The following A2M variants were observed in gnomAD, a reference collection of about 807,000 sequenced individuals.
A2M encodes C3 and PZP-like alpha-2-macroglobulin domain-containing protein 5.
A neutral mutation model predicts 183.9 loss-of-function variants in A2M; 128 were observed. That is an observed-to-expected ratio of 0.70 (90% CI 0.60 to 0.81). The LOEUF (loss-of-function observed/expected upper bound fraction) is 0.81. Among genes scored for constraint, A2M ranks in the 30% least tolerant of loss-of-function variants. The pLI is 0.00. For missense variants in A2M, 1,495 were observed against 1,787.6 expected (o/e 0.84, Z 2.95); for synonymous variants, 592 against 670.8 (o/e 0.88, Z 1.81).
At chr12:9,109,130 A>G (rs1283174341) in intron 7 of A2M, among the ~76,000 whole-genome samples, 191 bp downstream of exon 7, 1 of 152,174 alleles carries the variant, frequency 6.6e-6, no homozygotes, top group East Asian at 1.9e-4. Context: ...ATAGAATAAT[A>G]CTGATAAGAA....
rs751694784 is a variant in A2M, at chr12:9,113,509, T to C, written c.121A>G (p.Thr41Ala). The change falls in exon 2 of 36, where the codon ACT becomes GCT. Residue 41 changes from threonine to alanine, a missense_variant. By Grantham distance (58) the Thr-to-Ala change is moderately conservative (BLOSUM62 0). Transcript: ENST00000318602. ...ACACAGCCCTTCTCAGTGGTCTCAG[T>C]GTGGAGCAGGGAGGGGACCAGAACC... Reference protein sequence around the residue: ...YMVLVPSLLHTETTEKGCVLL... With the variant: ...YMVLVPSLLHAETTEKGCVLL... 10 of 1,613,848 alleles carry C rather than the reference T, an allele frequency of 6.2e-6. No individual in the cohort carries two copies. The highest frequency in any genetic ancestry group is 2.2e-5 in the East Asian group (1 of 44,872).
At chr12:9,079,138 G>T in intron 25 of A2M, 106 bp downstream of exon 25, 2 of 811,644 alleles carry the variant, frequency 2.5e-6, no homozygotes, top group African/African-American at 1.7e-5. Context: ...ACAAACCATC[G>T]GTCTGATAAT....
intron 4 of A2M, chr12:9,111,656 A>C (rs1458199170): frequency 1.2e-5 from 5 of 400,258 alleles, no homozygotes; most frequent in Non-Finnish European, 2.4e-5. Context: ...AGAAAATGTG[A>C]AGAAGTTAAT....
rs1439408191 is a variant in A2M at position 9,079,458 on chromosome 12, T to C, written c.3032-127A>G. Reference sequence around the variant, plus strand: ...ATTTTGTTGTCATAGATTAGGAGTTTCTGAGCCTTAAATATTTTATTGGAG... The same window carrying C: ...ATTTTGTTGTCATAGATTAGGAGTTCCTGAGCCTTAAATATTTTATTGGAG... On this transcript the variant is annotated intron_variant, in intron 24 of 35. Transcript: ENST00000318602. The C allele has an allele frequency of 8.6e-6, 10 of 1,156,272 alleles. No homozygotes were observed. The East Asian group carries it at 2.3e-4, about 26-fold the overall frequency. The allele number at this position is 1,156,272 out of a possible 1,614,324, so 71.6% of individuals were successfully genotyped here. A position where few individuals can be genotyped will look rare whatever the true frequency, so the allele number is the denominator to read the frequency against.
intron 31 of A2M, among the ~76,000 whole-genome samples, chr12:9,071,251 TA>T (rs1251101246): frequency 1.3e-5 from 2 of 152,170 alleles, no homozygotes; most frequent in Non-Finnish European, 2.9e-5. Flanking sequence ...ATATTATGAA[TA>T]ATAAATTTCA....
intron 22 of A2M, among the ~76,000 whole-genome samples, chr12:9,088,419 G>T (rs181147850): frequency 6.6e-6 from 1 of 152,078 alleles, no homozygotes; most frequent in Non-Finnish European, 1.5e-5. Context: ...ATGATAAAAG[G>T]ATTGAATGAT....
chr12:9,115,450 A>T (rs1277357778), intron 1 of A2M: 2 of 195,812 alleles, frequency 1.0e-5, no homozygotes, highest in African/African-American at 4.7e-5. Context: ...GAGAAAGAGG[A>T]AATAAGAAAA....
At chr12:9,094,657 T>C (rs890183835) in intron 17 of A2M, among the ~76,000 whole-genome samples, 2 of 152,092 alleles carry the variant, frequency 1.3e-5, no homozygotes, top group African/African-American at 2.4e-5. Flanking sequence ...AACATAAATA[T>C]TGGCTGATGT....
chr12:9,091,485 A>G (rs1411514714), intron 18 of A2M, 56 bp from the exon 19 acceptor site: 3 of 1,564,526 alleles, frequency 1.9e-6, no homozygotes, highest in Non-Finnish European at 2.6e-6. Flanking sequence ...CATCCTTTCT[A>G]GGGAGAGAAT....
intron 18 of A2M, among the ~76,000 whole-genome samples, chr12:9,092,312 C>A (rs1414495440): frequency 1.3e-5 from 2 of 152,256 alleles, no homozygotes; most frequent in East Asian, 3.9e-4. Context: ...CACCTAGCTC[C>A]AGGAGTAGAT....
At chr12:9,077,315 T>C in intron 27 of A2M, 31 bp downstream of exon 27, 2 of 1,588,950 alleles carry the variant, frequency 1.3e-6, no homozygotes, top group Non-Finnish European at 1.7e-6. Context: ...TCCAGAACTC[T>C]CCTTCAGCAG....
intron 19 of A2M, among the ~76,000 whole-genome samples, 183 bp downstream of exon 19, chr12:9,091,017 TA>T (rs1949195608): frequency 6.6e-6 from 1 of 152,272 alleles, no homozygotes; most frequent in East Asian, 1.9e-4. Flanking sequence ...TGAAGGGTTA[TA>T]AGGGCTAGAA....
At chr12:9,077,919 C>T (rs1434126983) in intron 25 of A2M, 62 bp from the exon 26 acceptor site, 4 of 1,597,334 alleles carry the variant, frequency 2.5e-6, no homozygotes, top group Non-Finnish European at 3.4e-6. Flanking sequence ...AACCACTTCA[C>T]AGCAACAGGC....
intron 28 of A2M, 89 bp downstream of exon 28, chr12:9,076,667 G>T: frequency 2.5e-6 from 3 of 1,196,130 alleles, no homozygotes; most frequent in Non-Finnish European, 3.7e-6. Context: ...AGGAGACAGG[G>T]ATCACAGGAG....
chr12:9,076,311 A>T (rs1049142101), intron 28 of A2M, among the ~76,000 whole-genome samples: 24 of 152,258 alleles, frequency 1.6e-4, no homozygotes, highest in African/African-American at 5.3e-4. Flanking sequence ...CATTTATTAC[A>T]ACAGCTCTGT....
rs752017642 is a variant in A2M at position 9,093,469 on chromosome 12, C to G, written c.2236G>C (p.Val746Leu). Residue 746 changes from valine to leucine, a missense_variant, in exon 18 of 36, where the codon GTA becomes CTA. Val to Leu is a conservative substitution (Grantham distance 32, BLOSUM62 1). Coordinates refer to ENST00000318602, the MANE Select transcript of A2M (RefSeq NM_000014.6). ...CATATGCAGGAAGTTACTTACTTTA[C>G]CACCACCAAATCCCAGATCCATGTC... ...PETWIWDLVV[V>L]NSAGVAEVGV... 3 of 1,612,286 alleles carry G rather than the reference C, an allele frequency of 1.9e-6. No homozygotes were observed. The highest frequency in any genetic ancestry group is 2.7e-5 in the African/African-American group (2 of 74,856).
chr12:9,086,126 A>C (rs1949045339), intron 22 of A2M, among the ~76,000 whole-genome samples: 3 of 152,236 alleles, frequency 2.0e-5, no homozygotes, highest in Admixed American at 1.3e-4. Flanking sequence ...AGGAAGGAAT[A>C]CTTTCAAGCT....
At chr12:9,089,391 A>G (rs1949140045) in intron 21 of A2M, 140 bp from the exon 22 acceptor site, 1 of 675,764 alleles carries the variant, frequency 1.5e-6, no homozygotes, top group Non-Finnish European at 2.6e-6. Flanking sequence ...ACATATAAGC[A>G]ATATACGTAG....
At chr12:9,068,652 T>C (rs1323599560) in intron 34 of A2M, 88 bp downstream of exon 34, 1 of 1,026,544 alleles carries the variant, frequency 9.7e-7, no homozygotes, top group African/African-American at 1.6e-5. Context: ...AATTACTTAA[T>C]GTAATAAATA....
Sources: allele counts gnomAD v4.1 joint callset (sites outside exome capture counted in the v4.1 genomes callset), GRCh38; gene constraint gnomAD v4.1.1; transcripts MANE v1.5; gene names NCBI Gene and HGNC (gene_info 2026-07-23, HGNC 2026-07-21).